The following KIF26B variants were observed in gnomAD, a reference collection of about 807,000 sequenced individuals.
KIF26B encodes the protein kinesin-like protein KIF26B.
In KIF26B, 63 loss-of-function variants were observed where a neutral mutation model predicts 151.2. The ratio of observed to expected loss-of-function variants is 0.42; its 90% CI spans 0.34 to 0.51. The LOEUF (loss-of-function observed/expected upper bound fraction) is 0.51. KIF26B is among the 20% of genes least tolerant of loss of function. KIF26B has a pLI of 0.07. For synonymous variants in KIF26B, 1,357 were observed against 1,262.1 expected (o/e 1.08, Z -1.59); for missense variants, 2,813 against 2,913.6 (o/e 0.97, Z 0.79).
At chr1:245,374,059 CAAAAAAAAAAAAAAAA>C (rs1172397969) in intron 3 of KIF26B, among the ~76,000 whole-genome samples, 30 of 17,482 alleles carry the variant, frequency 1.7e-3, no homozygotes, top group African/African-American at 2.9e-3. Context: ...GAACCTATCT[CAAAAAAAAAAAAAAAA>C]AAAAAAAAAA....
intron 2 of KIF26B, among the ~76,000 whole-genome samples, chr1:245,299,791 A>G (rs2102977014): frequency 6.6e-6 from 1 of 152,312 alleles, no homozygotes; most frequent in East Asian, 1.9e-4. Flanking sequence ...TCGAGTAAAT[A>G]ATATCAGCAA....
chr1:245,493,948 G>A (rs934797335), intron 4 of KIF26B, among the ~76,000 whole-genome samples: 1 of 152,108 alleles, frequency 6.6e-6, no homozygotes, highest in African/African-American at 2.4e-5. Flanking sequence ...TATACTGCAA[G>A]AGACTAAGCA....
rs76001451 is a variant in KIF26B at position 245,291,543 on chromosome 1, G to A, written c.466-75291G>A. Among the ~76,000 whole-genome samples the A allele has an allele frequency of 3.2e-3, 480 of 152,230 alleles. 1 individual carries two copies. Among genetic ancestry groups the A allele is most frequent in the African/African-American group, 0.011 (453 of 41,534 alleles). The stretch of plus-strand genomic sequence containing the variant: ...GCGCCCAGGTCCTCCTATTCAATGG[G>A]TGATACATCCTGGACACCTACTGTT... On this transcript the variant is annotated intron_variant, in intron 2 of 14. Transcript: ENST00000407071.
At chr1:245,537,655 G>A (rs1202075220) in intron 4 of KIF26B, among the ~76,000 whole-genome samples, 5 of 152,180 alleles carry the variant, frequency 3.3e-5, no homozygotes, top group African/African-American at 1.2e-4. Context: ...TGGATTATGT[G>A]TGAGAAGAAG....
chr1:245,379,232 T>C (rs576829931), intron 3 of KIF26B, among the ~76,000 whole-genome samples: 2 of 152,356 alleles, frequency 1.3e-5, no homozygotes, highest in South Asian at 2.1e-4. Flanking sequence ...GAATGTCATA[T>C]TTTAAGTAGA....
chr1:245,505,698 A>G (rs1402583563), intron 4 of KIF26B, among the ~76,000 whole-genome samples: 8 of 152,214 alleles, frequency 5.3e-5, no homozygotes, highest in Non-Finnish European at 1.2e-4. Flanking sequence ...AAAGCATTAT[A>G]TACAATTGTC....
At position 245,291,425 on chromosome 1, in the gene KIF26B, G is replaced by C. The variant is rs1008613184; in HGVS notation, c.466-75409G>C. ...CCAAAGAAGATAAAATTTCTCTTTG[G>C]TTGCATTCTGAATCCCTGCCCTTCC... On this transcript the variant is annotated intron_variant, in intron 2 of 14. Transcript: ENST00000407071. Among the ~76,000 whole-genome samples, 5 of 152,140 alleles carry C rather than the reference G, an allele frequency of 3.3e-5. No homozygotes were observed. The South Asian group carries it at 1.0e-3, about 32-fold the overall frequency.
chr1:245,195,662 G>A (rs978146249), intron 2 of KIF26B, among the ~76,000 whole-genome samples: 1 of 152,190 alleles, frequency 6.6e-6, no homozygotes, highest in Non-Finnish European at 1.5e-5. Flanking sequence ...TGAGCATGTC[G>A]AGTGCCCTGG....
chr1:245,549,267 T>C lies in KIF26B; in HGVS notation c.1350+8317T>C, dbSNP rs1490261765. 3.3e-5 allele frequency among the ~76,000 whole-genome samples: 5 copies of C among 152,218 alleles called. No homozygotes were observed. In the East Asian group the frequency reaches 9.6e-4, roughly 29 times the overall value. ...TACCTGTAATTCCTAATTAGCATCC[T>C]GATTTATGGAATAAAAACATGAGAT... On this transcript the variant is annotated intron_variant, in intron 5 of 14. Transcript: ENST00000407071.
At chr1:245,183,954 C>T (rs372533827) in intron 2 of KIF26B, among the ~76,000 whole-genome samples, 1 of 151,242 alleles carries the variant, frequency 6.6e-6, no homozygotes, top group African/African-American at 2.4e-5. Flanking sequence ...TTTGATGAAG[C>T]CATCTCTCTG....
At position 245,597,650 on chromosome 1, in the gene KIF26B, T is replaced by A. The variant is rs2043348481; in HGVS notation, c.1351-4927T>A. Among the ~76,000 whole-genome samples the A allele has an allele frequency of 6.6e-6, 1 of 152,150 alleles. No homozygotes were observed. The highest frequency in any genetic ancestry group is 1.9e-4 in the East Asian group (1 of 5,174). ...AGGAGTATCTTTTTGGTGTTCTCTATATATTCTGAATTTAAATGTTGGCCT... is the reference window on the plus strand; with the variant it reads ...AGGAGTATCTTTTTGGTGTTCTCTAAATATTCTGAATTTAAATGTTGGCCT... On this transcript the variant is annotated intron_variant, in intron 5 of 14. Coordinates refer to ENST00000407071, the MANE Select transcript of KIF26B (RefSeq NM_018012.4). This position sits in a 1 kb window ranked among gnomAD's most constrained non-coding sequence, Gnocchi z 4.6.
intron 2 of KIF26B, among the ~76,000 whole-genome samples, chr1:245,285,782 C>T (rs1349919814): frequency 6.6e-6 from 1 of 151,706 alleles, no homozygotes; most frequent in Non-Finnish European, 1.5e-5. Context: ...GTTCAGTCTG[C>T]TCCACGTGCA....
chr1:245,681,058 C>T lies in KIF26B; in HGVS notation c.2259-3175C>T, dbSNP rs940366628. Among the ~76,000 whole-genome samples the T allele has an allele frequency of 2.6e-5, 4 of 152,090 alleles. No homozygotes were observed. In the East Asian group the frequency reaches 5.8e-4, roughly 22 times the overall value. On this transcript the variant is annotated intron_variant, in intron 10 of 14. Coordinates refer to ENST00000407071, the MANE Select transcript of KIF26B (RefSeq NM_018012.4). The stretch of plus-strand genomic sequence containing the variant: ...GGAGAAAATCCATGTGTTAGACACA[C>T]TTCTTTCAGGTAGGAGCTACAGTGC...
At position 245,705,307 on chromosome 1, in the gene KIF26B, C is replaced by T. The variant is rs1016945032; in HGVS notation, c.*2701C>T. On this transcript the variant is annotated 3_prime_UTR_variant, in exon 15 of 15. Coordinates refer to ENST00000407071, the MANE Select transcript of KIF26B (RefSeq NM_018012.4). ...TTTTTTGACCTAAATAAGCTGCAAA[C>T]ATGTTAATTTACCAATATTGATAAA... 1.3e-5 allele frequency: 2 copies of T among 152,156 alleles called. No individual in the cohort carries two copies. The highest frequency in any genetic ancestry group is 1.3e-4 in the Admixed American group (2 of 15,286). 9.4% of individuals were successfully genotyped at this position (152,156 alleles called of 1,614,324 possible). A position where few individuals can be genotyped will look rare whatever the true frequency, so the allele number is the denominator to read the frequency against.
In KIF26B at chr1:245,688,003, G is replaced by T; in HGVS notation, c.5020G>T (p.Val1674Phe). Reference protein sequence around the residue: ...SRSNSLGRATVSHYECLSLER... With the variant: ...SRSNSLGRATFSHYECLSLER... ...AAGCAACTCGCTGGGCAGGGCGACA[G>T]TCAGCCACTACGAATGCCTCTCCCT... Residue 1674 changes from valine (V) to phenylalanine (F), a missense_variant, in exon 12 of 15, where the codon GTC (valine) becomes TTC (phenylalanine). Physicochemically the swap from Val to Phe is conservative, Grantham distance 50 (BLOSUM62 -1). Transcript: ENST00000407071. 2 of 1,564,174 alleles carry T rather than the reference G, an allele frequency of 1.3e-6. No homozygotes were observed. Among genetic ancestry groups the T allele is most frequent in the Non-Finnish European group, 1.7e-6 (2 of 1,155,872 alleles).
chr1:245,605,507 T>C (rs190354605), intron 6 of KIF26B, among the ~76,000 whole-genome samples: 1 of 152,332 alleles, frequency 6.6e-6, no homozygotes, highest in East Asian at 1.9e-4. Flanking sequence ...AACAGTCCTG[T>C]TTCATGGTTG....
chr1:245,161,582 A>G (rs1437577745), intron 2 of KIF26B, among the ~76,000 whole-genome samples: 1 of 152,234 alleles, frequency 6.6e-6, no homozygotes, highest in East Asian at 1.9e-4. Flanking sequence ...TAATAATAAT[A>G]TGTAATAAAT....
intron 12 of KIF26B, among the ~76,000 whole-genome samples, chr1:245,696,859 C>T (rs1393050308): frequency 3.3e-5 from 5 of 152,164 alleles, no homozygotes; most frequent in African/African-American, 4.8e-5. Context: ...CCTGTAATCC[C>T]AACACTTTGG....
chr1:245,682,290 G>A (rs946157364), intron 10 of KIF26B, among the ~76,000 whole-genome samples: 6 of 152,188 alleles, frequency 3.9e-5, no homozygotes, highest in Admixed American at 6.5e-5. Context: ...GACAGAAACC[G>A]TAATTACTTT....
Sources: allele counts gnomAD v4.1 joint callset (sites outside exome capture counted in the v4.1 genomes callset), GRCh38; gene constraint gnomAD v4.1.1; non-coding constraint Gnocchi (gnomAD v3.1); transcripts MANE v1.5; gene names NCBI Gene and HGNC (gene_info 2026-07-23, HGNC 2026-07-21).